Variants in DCAF5 observed in about 807,000 individuals in gnomAD.
DCAF5 encodes DDB1- and CUL4-associated factor 5.
A neutral mutation model predicts 80.7 loss-of-function variants in DCAF5; 9 were observed. That is an observed-to-expected ratio of 0.11 (90% confidence interval 0.07 to 0.19). The LOEUF is 0.19. Among genes scored for constraint, DCAF5 ranks in the 10% least tolerant of loss-of-function variants. The pLI, the probability that DCAF5 is intolerant of heterozygous loss-of-function variation, is 1.00. For synonymous variants in DCAF5, 433 were observed against 461.9 expected, an observed-to-expected ratio of 0.94 and a Z score of 0.80; for missense variants, 842 against 1,205.7, an observed-to-expected ratio of 0.70 and a Z score of 4.47.
intron 8 of DCAF5, among the ~76,000 whole-genome samples, chr14:69,061,084 T>C (rs576333563): frequency 2.0e-4 from 31 of 152,124 alleles, no homozygotes; most frequent in African/African-American, 7.5e-4. Flanking sequence ...TGGTTCACTG[T>C]AGCACGACCT....
intron 1 of DCAF5, among the ~76,000 whole-genome samples, chr14:69,127,837 A>G (rs1220064720): frequency 6.6e-6 from 1 of 152,212 alleles, no homozygotes; most frequent in African/African-American, 2.4e-5. Flanking sequence ...ACAAAACATC[A>G]TAAGTAAATC....
intron 2 of DCAF5, 23 bp from the exon 3 acceptor site, chr14:69,119,253 T>A (rs777506385): frequency 1.2e-6 from 2 of 1,612,036 alleles, no homozygotes; most frequent in Non-Finnish European, 1.7e-6. Context: ...AAAGCAGACA[T>A]CTGATCATTC....
At position 69,054,217 on chromosome 14, in the gene DCAF5, C is replaced by T; in HGVS notation, c.2469G>A (p.Arg823=). The T allele has an allele frequency of 6.2e-7, 1 of 1,614,244 alleles. No homozygotes were observed. Among genetic ancestry groups the T allele is most frequent in the Non-Finnish European group, 8.5e-7 (1 of 1,180,046 alleles). The change falls in exon 9 of 9, where the codon AGG becomes AGA. Residue 823 remains arginine (R), a synonymous_variant. Transcript: ENST00000341516. The part of the protein sequence containing the change: ...PRTQSDDSEE[R]SLETICANHN... ...GGTTGGCACAGATGGTTTCGAGGCT[C>T]CTCTCCTCACTGTCATCAGACTGGG...
intron 6 of DCAF5, among the ~76,000 whole-genome samples, chr14:69,077,228 C>T (rs1018953654): frequency 6.6e-6 from 1 of 152,134 alleles, no homozygotes; most frequent in East Asian, 1.9e-4. Context: ...TATGTGACAG[C>T]GTCTTGCTGT....
intron 5 of DCAF5, among the ~76,000 whole-genome samples, chr14:69,106,963 A>T (rs1005553309): frequency 1.3e-5 from 2 of 152,112 alleles, no homozygotes; most frequent in African/African-American, 2.4e-5. Flanking sequence ...AATCGCCTGA[A>T]CCCAAGAGGT....
chr14:69,061,329 C>A (rs746354784), intron 8 of DCAF5, among the ~76,000 whole-genome samples: 129 of 152,270 alleles, frequency 8.5e-4, no homozygotes, highest in Non-Finnish European at 1.5e-3. Flanking sequence ...GGAACATCAC[C>A]TATTCTTACT....
Position 69,054,092 on chromosome 14 carries a change from G to A in DCAF5, c.2594C>T (p.Ser865Leu), listed in dbSNP as rs200601552. Residue 865 changes from serine to leucine, a missense_variant, in exon 9 of 9, where the codon TCA becomes TTA. Transcript: ENST00000341516. ...GGACGAGTTATCACGGTCAGTGTCT[G>A]AGTGTCCTGGGGAAGAGTAGGCCAC... ...EVVAYSSPGH[S>L]DTDRDNSSLT... is the part of the protein sequence containing the mutation. 30 of 1,614,258 alleles carry A rather than the reference G, an allele frequency of 1.9e-5. No homozygotes were observed. Among genetic ancestry groups the A allele is most frequent in the Non-Finnish European group, 2.5e-5 (30 of 1,180,050 alleles).
chr14:69,054,888 T>C lies in DCAF5; in HGVS notation c.1798A>G (p.Ser600Gly). 3 of 1,614,166 alleles carry C rather than the reference T, an allele frequency of 1.9e-6. No homozygotes were observed. Among genetic ancestry groups the C allele is most frequent in the Non-Finnish European group, 2.5e-6 (3 of 1,180,026 alleles). The change falls in exon 9 of 9, where the codon AGT becomes GGT. Residue 600 changes from serine (S) to glycine (G), a missense_variant. Physicochemically the swap from Ser to Gly is moderately conservative, Grantham distance 56. Coordinates refer to ENST00000341516, the MANE Select transcript of DCAF5 (RefSeq NM_003861.3). ...GTGTTGGTGGGCTTGATTGGGGCACTGGGCTTGTCTTCTCGGGTTGTCTTC... is the reference window on the plus strand; with the variant it reads ...GTGTTGGTGGGCTTGATTGGGGCACCGGGCTTGTCTTCTCGGGTTGTCTTC... ...RQKTTREDKPSAPIKPTNTYI... is the reference protein window; with the variant it reads ...RQKTTREDKPGAPIKPTNTYI...
intron 1 of DCAF5, among the ~76,000 whole-genome samples, chr14:69,139,907 GAA>G (rs1389310223): frequency 6.7e-6 from 1 of 149,668 alleles, no homozygotes; most frequent in Non-Finnish European, 1.5e-5. Flanking sequence ...AAAGGAGAAA[GAA>G]AGAGAAGGAA....
chr14:69,098,571 T>C (rs2039818119), intron 5 of DCAF5, among the ~76,000 whole-genome samples: 1 of 151,944 alleles, frequency 6.6e-6, no homozygotes, highest in African/African-American at 2.4e-5. Flanking sequence ...ATCTAATAGA[T>C]CATAAGCAGC....
At chr14:69,066,857 C>T (rs2038463725) in intron 7 of DCAF5, among the ~76,000 whole-genome samples, 2 of 152,148 alleles carry the variant, frequency 1.3e-5, no homozygotes, top group South Asian at 4.1e-4. Flanking sequence ...ATTTCAGTTG[C>T]TTTTGTTTAG....
At chr14:69,145,094 T>C (rs1007902288) in intron 1 of DCAF5, among the ~76,000 whole-genome samples, 6 of 152,230 alleles carry the variant, frequency 3.9e-5, no homozygotes, top group Non-Finnish European at 5.9e-5. Flanking sequence ...GATGGCTCAC[T>C]GCAGCCTTGA....
rs184373338 is a variant in DCAF5 at position 69,152,443 on chromosome 14, C to G, written c.214+322G>C. Reference sequence around the variant, plus strand: ...TAAAGTACGCGGAGGAAGAGTTTGCCGTCAAACTTTGTAGAGCGGTAACCT... The same window carrying G: ...TAAAGTACGCGGAGGAAGAGTTTGCGGTCAAACTTTGTAGAGCGGTAACCT... On this transcript the variant is annotated intron_variant, in intron 1 of 8. Transcript: ENST00000341516. The surrounding 1 kb of genome is among the most constrained non-coding windows in gnomAD (Gnocchi z 4.1). 1 of 262,994 alleles carries G rather than the reference C, an allele frequency of 3.8e-6. No individual in the cohort carries two copies. The highest frequency in any genetic ancestry group is 7.3e-6 in the Non-Finnish European group (1 of 137,240). The allele number at this position is 262,994 out of a possible 1,614,324, so 16.3% of individuals were successfully genotyped here.
intron 1 of DCAF5, among the ~76,000 whole-genome samples, chr14:69,124,479 C>T (rs2040817666): frequency 6.6e-6 from 1 of 152,190 alleles, no homozygotes. Flanking sequence ...GTCTTTGCTA[C>T]TTGAATTCCT....
intron 5 of DCAF5, among the ~76,000 whole-genome samples, chr14:69,101,794 C>T (rs1375283143): frequency 2.0e-5 from 3 of 152,140 alleles, no homozygotes; most frequent in African/African-American, 7.2e-5. Flanking sequence ...TTATATGGAA[C>T]ACCAAATGCC....
At chr14:69,110,015 G>A (rs1036387897) in intron 5 of DCAF5, among the ~76,000 whole-genome samples, 2 of 152,044 alleles carry the variant, frequency 1.3e-5, no homozygotes, top group African/African-American at 4.8e-5. Context: ...AACACTCTAG[G>A]TGTATACTGA....
At chr14:69,091,980 C>T in intron 5 of DCAF5, 93 bp from the exon 6 acceptor site, 1 of 1,052,174 alleles carries the variant, frequency 9.5e-7, no homozygotes, top group Non-Finnish European at 1.4e-6. Context: ...GTCAAGCTTG[C>T]ATAGCTGAAT....
In DCAF5 at chr14:69,116,454, C is replaced by T. The variant is rs750311634; in HGVS notation, c.577G>A (p.Val193Ile). The T allele has an allele frequency of 1.6e-5, 26 of 1,613,492 alleles. No individual in the cohort carries two copies. Among genetic ancestry groups the T allele is most frequent in the Non-Finnish European group, 2.2e-5 (26 of 1,179,640 alleles). Residue 193 changes from valine to isoleucine, a missense_variant, in exon 5 of 9, where the codon GTC becomes ATC. Physicochemically the swap from Val to Ile is conservative, Grantham distance 29. Around this residue, in one of 5 missense-constraint regions of DCAF5, gnomAD observed 142 missense variants for 311.9 expected, o/e 0.46. Coordinates refer to ENST00000341516, the MANE Select transcript of DCAF5 (RefSeq NM_003861.3). ...LANYPSAFHSVMFNPVEPRLL... is the reference protein window; with the variant it reads ...LANYPSAFHSIMFNPVEPRLL... ...CTGGGCTCCACAGGGTTAAACATGA[C>T]ACTATGAAAGGCTGATGGATAGTTT...
chr14:69,083,733 G>A (rs1253783539), intron 6 of DCAF5: 4 of 650,276 alleles, frequency 6.2e-6, no homozygotes, highest in African/African-American at 1.8e-5. Context: ...AGAGAAAAAT[G>A]GTGAATGATG....
Sources: allele counts gnomAD v4.1 joint callset (sites outside exome capture counted in the v4.1 genomes callset), GRCh38; gene constraint gnomAD v4.1.1; regional missense constraint gnomAD v4.1.1; non-coding constraint Gnocchi (gnomAD v3.1); transcripts MANE v1.5; gene names NCBI Gene and HGNC (gene_info 2026-07-23, HGNC 2026-07-21).